The following KCMF1 variants were observed in gnomAD, a reference collection of about 807,000 sequenced individuals.
The protein encoded by KCMF1 is potassium channel modulatory factor 1, also known as E3 ubiquitin-protein ligase KCMF1.
In KCMF1, 3 loss-of-function variants were observed where a neutral mutation model predicts 41.1. That is an observed-to-expected ratio of 0.07 (90% confidence interval 0.03 to 0.19). KCMF1 has a LOEUF of 0.19. Ranked by LOEUF, KCMF1 falls within the 10% of genes least tolerant of loss-of-function variation. The probability of loss-of-function intolerance (pLI) is 1.00; values close to 1 mark genes in which losing one functional copy is unlikely to be tolerated. For synonymous variants in KCMF1, 142 were observed against 164.5 expected (o/e 0.86, Z 1.04); for missense variants, 286 against 488.9 (o/e 0.58, Z 3.91).
chr2:84,996,430 ATT>A (rs869089697), intron 1 of KCMF1, among the ~76,000 whole-genome samples: 1,250 of 123,926 alleles, frequency 0.01, 6 homozygotes, highest in African/African-American at 0.04. Context: ...ATAACCTAAG[ATT>A]TTTTTTTTTT....
intron 3 of KCMF1, among the ~76,000 whole-genome samples, chr2:85,038,397 C>T (rs1485315319): frequency 6.6e-6 from 1 of 152,104 alleles, no homozygotes; most frequent in Non-Finnish European, 1.5e-5. Flanking sequence ...CTACAAGGCC[C>T]AAAAGGAGTT....
In KCMF1 at chr2:84,983,807, G is replaced by A. The variant is rs889185549; in HGVS notation, c.16+12340G>A. 2.6e-5 allele frequency among the ~76,000 whole-genome samples: 4 copies of A among 151,754 alleles called. No individual in the cohort carries two copies. In the East Asian group the frequency reaches 5.8e-4, roughly 22 times the overall value. On this transcript the variant is annotated intron_variant, in intron 1 of 6. Transcript: ENST00000409785. ...ATTACAGGCGTGAGCCACTGCGTCC[G>A]GCTGACTTTTGTATTTTTTATAGAG...
chr2:84,988,698 G>C (rs138039677), intron 1 of KCMF1, among the ~76,000 whole-genome samples: 1 of 152,170 alleles, frequency 6.6e-6, no homozygotes. Context: ...GTTATTTGTC[G>C]TAGGTCCCAT....
rs994656778 is a variant in KCMF1 at position 85,059,208 on chromosome 2, T to C, written c.*5799T>C. The C allele has an allele frequency of 6.6e-6, 1 of 152,196 alleles. No homozygotes were observed. Among genetic ancestry groups the C allele is most frequent in the East Asian group, 1.9e-4 (1 of 5,196 alleles). 9.4% of individuals were successfully genotyped at this position (152,196 alleles called of 1,614,324 possible). A position where few individuals can be genotyped will look rare whatever the true frequency, so the allele number is the denominator to read the frequency against. On this transcript the variant is annotated 3_prime_UTR_variant, in exon 7 of 7. Transcript: ENST00000409785. ...ACACTAGTTTCCCCATAAAAGTCCA[T>C]TTTTAAATATATAGTATGCTAATTA... is the stretch of plus-strand genomic sequence containing the variant.
chr2:85,007,053 A>T (rs1166116701), intron 1 of KCMF1, among the ~76,000 whole-genome samples: 1 of 149,058 alleles, frequency 6.7e-6, no homozygotes, highest in Non-Finnish European at 1.5e-5. Context: ...GTGAGTCGAG[A>T]TCGCACCACT....
At chr2:84,998,361 C>A (rs1431294906) in intron 1 of KCMF1, among the ~76,000 whole-genome samples, 1 of 152,056 alleles carries the variant, frequency 6.6e-6, no homozygotes, top group African/African-American at 2.4e-5. Context: ...TCCCAAACTG[C>A]TGGGATTATA....
intron 1 of KCMF1, among the ~76,000 whole-genome samples, chr2:85,020,006 GT>G (rs1190120970): frequency 6.6e-6 from 1 of 152,064 alleles, no homozygotes; most frequent in Non-Finnish European, 1.5e-5. Context: ...CTCTAGCTGG[GT>G]TTAAGTGAAG....
chr2:84,994,832 T>G (rs530305984), intron 1 of KCMF1, among the ~76,000 whole-genome samples: 1 of 152,360 alleles, frequency 6.6e-6, no homozygotes, highest in African/African-American at 2.4e-5. Context: ...ATAGGTCCTT[T>G]AAAATGTCTA....
intron 1 of KCMF1, among the ~76,000 whole-genome samples, chr2:85,001,021 G>A (rs1419525254): frequency 6.6e-6 from 1 of 150,490 alleles, no homozygotes; most frequent in African/African-American, 2.4e-5. Flanking sequence ...TAGGGATGGG[G>A]TCTCACTATT....
At chr2:85,010,644 A>G (rs1043508561) in intron 1 of KCMF1, among the ~76,000 whole-genome samples, 1 of 152,138 alleles carries the variant, frequency 6.6e-6, no homozygotes, top group African/African-American at 2.4e-5. Context: ...GATTACATTT[A>G]AATAGTGACA....
At chr2:85,014,471 C>T (rs1674717725) in intron 1 of KCMF1, among the ~76,000 whole-genome samples, 1 of 152,072 alleles carries the variant, frequency 6.6e-6, no homozygotes, top group Non-Finnish European at 1.5e-5. Context: ...CTCAGTTTAT[C>T]CATCTGTAAA....
intron 1 of KCMF1, among the ~76,000 whole-genome samples, chr2:84,982,349 A>G (rs1451656053): frequency 1.4e-5 from 2 of 144,078 alleles, no homozygotes; most frequent in African/African-American, 5.2e-5. Flanking sequence ...TAGAGCAGGC[A>G]GGGATTATAT....
At chr2:84,991,883 T>C (rs1042724344) in intron 1 of KCMF1, among the ~76,000 whole-genome samples, 1 of 152,196 alleles carries the variant, frequency 6.6e-6, no homozygotes, top group Non-Finnish European at 1.5e-5. Flanking sequence ...CCATGACTCA[T>C]ATTTCAACCC....
intron 1 of KCMF1, among the ~76,000 whole-genome samples, chr2:85,000,117 AAAATT>A (rs1309535019): frequency 6.6e-6 from 1 of 152,194 alleles, no homozygotes; most frequent in Non-Finnish European, 1.5e-5. Context: ...TGTGTCATAA[AAAATT>A]AAATATAACT....
chr2:84,982,943 G>T (rs187220533), intron 1 of KCMF1, among the ~76,000 whole-genome samples: 39 of 152,314 alleles, frequency 2.6e-4, no homozygotes, highest in African/African-American at 8.4e-4. Context: ...GAAAACTGGT[G>T]ATAAGAACGT....
At position 85,046,132 on chromosome 2, in the gene KCMF1, G is replaced by A. The variant is rs1438310786; in HGVS notation, c.455G>A (p.Arg152His). The A allele has an allele frequency of 1.2e-6, 2 of 1,613,402 alleles. No homozygotes were observed. The highest frequency in any genetic ancestry group is 1.7e-5 in the Admixed American group (1 of 59,954). ...GAATCGAGTGGTGTTCGACATGTACGTAGAATGTTTCACCCTGGCCGGGGA... is the reference window on the plus strand; with the variant it reads ...GAATCGAGTGGTGTTCGACATGTACATAGAATGTTTCACCCTGGCCGGGGA... ...LDESSGVRHV[R>H]RMFHPGRGLG... The change falls in exon 5 of 7, where the codon CGT becomes CAT. Residue 152 changes from arginine to histidine, a missense_variant. This residue lies in a region of KCMF1 where 95 missense variants were observed against 209.6 expected (regional missense o/e 0.45). Transcript: ENST00000409785.
At chr2:85,020,583 A>G (rs957629466) in intron 1 of KCMF1, among the ~76,000 whole-genome samples, 2 of 151,872 alleles carry the variant, frequency 1.3e-5, no homozygotes, top group Non-Finnish European at 2.9e-5. Flanking sequence ...TCACCACTAC[A>G]CCTGGCTAAT....
intron 1 of KCMF1, among the ~76,000 whole-genome samples, chr2:85,018,500 C>A (rs1674844491): frequency 6.6e-6 from 1 of 152,018 alleles, no homozygotes; most frequent in South Asian, 2.1e-4. Flanking sequence ...GAACTCCTGA[C>A]CTCAGGTGAT....
intron 1 of KCMF1, among the ~76,000 whole-genome samples, chr2:85,007,498 G>A (rs532600065): frequency 6.6e-6 from 1 of 152,318 alleles, no homozygotes; most frequent in African/African-American, 2.4e-5. Context: ...GGGGTAGTCA[G>A]AGGACTGCCC....
Sources: allele counts gnomAD v4.1 joint callset (sites outside exome capture counted in the v4.1 genomes callset), GRCh38; gene constraint gnomAD v4.1.1; regional missense constraint gnomAD v4.1.1; transcripts MANE v1.5; gene names NCBI Gene and HGNC (gene_info 2026-07-23, HGNC 2026-07-21).